SNTG1: variants seen among roughly 807,000 people sequenced by gnomAD.
The protein encoded by SNTG1 is gamma-1-syntrophin.
Under a neutral mutation model 74.7 loss-of-function variants are expected in SNTG1, and 39 were observed. The observed-to-expected ratio is 0.52, with a 90% CI of 0.40 to 0.68. SNTG1 has a LOEUF of 0.68. Ranked by LOEUF, SNTG1 falls within the 30% of genes least tolerant of loss-of-function variation. The probability of loss-of-function intolerance (pLI) is 0.00; values close to 1 mark genes in which losing one functional copy is unlikely to be tolerated. For missense variants in SNTG1, 685 were observed against 609.5 expected, an observed-to-expected ratio of 1.12 and a Z score of -1.30; for synonymous variants, 254 against 217.1, an observed-to-expected ratio of 1.17 and a Z score of -1.49.
chr8:50,335,948 A>G (rs889269037), intron 2 of SNTG1, among the ~76,000 whole-genome samples: 1 of 151,956 alleles, frequency 6.6e-6, no homozygotes, highest in South Asian at 2.1e-4. Flanking sequence ...GTATATAACA[A>G]TCACAAAATT....
intron 15 of SNTG1, among the ~76,000 whole-genome samples, chr8:50,672,458 A>G (rs1206410546): frequency 1.3e-5 from 2 of 151,418 alleles, no homozygotes; most frequent in East Asian, 3.9e-4. Flanking sequence ...TTTTTTTCAC[A>G]TGTTTTTGGC....
intron 1 of SNTG1, among the ~76,000 whole-genome samples, chr8:50,064,074 A>T (rs1265386600): frequency 2.0e-5 from 3 of 152,214 alleles, no homozygotes; most frequent in Admixed American, 1.3e-4. Context: ...TCGTGGTACC[A>T]GCTAACTCTG....
rs565235022 is a variant in SNTG1 at position 50,220,443 on chromosome 8, C to A, written c.-28+47808C>A. ...AGTACAAAACTATGCAGCTTTGTAA[C>A]AAGAGGACCAAACAGAAAGGAATAC... On this transcript the variant is annotated intron_variant, in intron 2 of 18. Coordinates refer to ENST00000642720, the MANE Select transcript of SNTG1 (RefSeq NM_018967.5). Among the ~76,000 whole-genome samples the A allele has an allele frequency of 2.0e-4, 30 of 152,132 alleles. 1 individual carries two copies. In the South Asian group the frequency reaches 6.2e-3, roughly 32 times the overall value.
At chr8:50,417,953 C>T (rs1048610034) in intron 4 of SNTG1, among the ~76,000 whole-genome samples, 3 of 149,112 alleles carry the variant, frequency 2.0e-5, no homozygotes, top group African/African-American at 7.3e-5. Flanking sequence ...TGATGATTCC[C>T]ACTGTATTTG....
chr8:50,355,079 G>A (rs1383783245), intron 2 of SNTG1, among the ~76,000 whole-genome samples: 1 of 152,088 alleles, frequency 6.6e-6, no homozygotes, highest in Non-Finnish European at 1.5e-5. Flanking sequence ...GGGAGGTGTG[G>A]AAGGCTATTT....
chr8:50,278,702 A>T (rs548989634), intron 2 of SNTG1, among the ~76,000 whole-genome samples: 36 of 152,104 alleles, frequency 2.4e-4, no homozygotes, highest in African/African-American at 7.7e-4. Flanking sequence ...GCTAAAAAAA[A>T]ATTTGGAAAA....
chr8:50,035,747 A>G (rs922965557), intron 1 of SNTG1, among the ~76,000 whole-genome samples: 1 of 152,214 alleles, frequency 6.6e-6, no homozygotes, highest in Middle Eastern at 3.2e-3. Flanking sequence ...AAGGACCCAG[A>G]CAAGACTGTT....
chr8:50,116,353 A>T (rs1451414022), intron 1 of SNTG1, among the ~76,000 whole-genome samples: 1 of 152,144 alleles, frequency 6.6e-6, no homozygotes. Flanking sequence ...TTTCAGCATA[A>T]AATTTGTCTT....
intron 17 of SNTG1, among the ~76,000 whole-genome samples, chr8:50,718,268 G>A (rs924422645): frequency 2.6e-5 from 4 of 152,172 alleles, no homozygotes; most frequent in African/African-American, 9.7e-5. Flanking sequence ...AGAGGAGGAG[G>A]AAAATTAGGG....
At chr8:50,172,401 TAGAAATTGACA>T (rs1160694385) in intron 1 of SNTG1, among the ~76,000 whole-genome samples, 149 bp from the exon 2 acceptor site, 1 of 152,200 alleles carries the variant, frequency 6.6e-6, no homozygotes, top group Non-Finnish European at 1.5e-5. Flanking sequence ...GAGCTATTCC[TAGAAATTGACA>T]AGAAAGTGTG....
At chr8:50,085,503 C>T (rs1822800628) in intron 1 of SNTG1, among the ~76,000 whole-genome samples, 1 of 152,212 alleles carries the variant, frequency 6.6e-6, no homozygotes, top group Admixed American at 6.5e-5. Flanking sequence ...AGATAAGGCT[C>T]TATGCACAGT....
chr8:50,605,085 T>G (rs867250563), intron 13 of SNTG1, among the ~76,000 whole-genome samples: 1 of 152,196 alleles, frequency 6.6e-6, no homozygotes, highest in African/African-American at 2.4e-5. Flanking sequence ...CCCTGTGCCC[T>G]GTCCTATTAT....
chr8:50,516,291 G>T (rs2094133595), intron 9 of SNTG1, among the ~76,000 whole-genome samples: 2 of 151,962 alleles, frequency 1.3e-5, no homozygotes, highest in African/African-American at 4.8e-5. Context: ...CCATCCAAAG[G>T]CCCCATCATC....
chr8:50,624,728 T>G (rs943212897), intron 13 of SNTG1, among the ~76,000 whole-genome samples: 2 of 152,172 alleles, frequency 1.3e-5, no homozygotes, highest in Non-Finnish European at 2.9e-5. Context: ...ACTTAGTTCA[T>G]GCATTGCACT....
At chr8:50,355,921 C>T (rs2091803932) in intron 2 of SNTG1, among the ~76,000 whole-genome samples, 1 of 152,122 alleles carries the variant, frequency 6.6e-6, no homozygotes, top group Non-Finnish European at 1.5e-5. Flanking sequence ...ACTGATTGTT[C>T]TGAGCACCAG....
intron 1 of SNTG1, among the ~76,000 whole-genome samples, chr8:50,022,537 T>C (rs1044467650): frequency 9.2e-5 from 14 of 152,230 alleles, no homozygotes; most frequent in Non-Finnish European, 1.5e-4. Flanking sequence ...CACTGATAAA[T>C]TTCCTTGAAG....
At chr8:50,722,565 CTT>C (rs2131594980) in intron 17 of SNTG1, among the ~76,000 whole-genome samples, 1 of 152,224 alleles carries the variant, frequency 6.6e-6, no homozygotes, top group East Asian at 1.9e-4. Context: ...AGATTTATCT[CTT>C]ATAGATAGTA....
At chr8:50,276,373 TTATATA>T (rs6150576) in intron 2 of SNTG1, among the ~76,000 whole-genome samples, 14,050 of 142,924 alleles carry the variant, frequency 0.098, 713 homozygotes, top group South Asian at 0.19. Flanking sequence ...CAAGTAAATT[TTATATA>T]TATATATATA....
intron 18 of SNTG1, among the ~76,000 whole-genome samples, chr8:50,758,042 C>A (rs2095585929): frequency 6.6e-6 from 1 of 151,848 alleles, no homozygotes; most frequent in Non-Finnish European, 1.5e-5. Flanking sequence ...CAATCTAATA[C>A]ATTGTTATTA....
Sources: allele counts gnomAD v4.1 joint callset (sites outside exome capture counted in the v4.1 genomes callset), GRCh38; gene constraint gnomAD v4.1.1; transcripts MANE v1.5; gene names NCBI Gene and HGNC (gene_info 2026-07-23, HGNC 2026-07-21).